Variants in PCDH7 observed in about 807,000 individuals in gnomAD.
PCDH7 encodes the protein protocadherin-7.
In PCDH7, 17 loss-of-function variants were observed where a neutral mutation model predicts 58.9. That is an observed-to-expected ratio of 0.29 (90% confidence interval 0.20 to 0.43). PCDH7 has a LOEUF of 0.43. PCDH7 is among the 20% of genes least tolerant of loss of function. The pLI is 1.00. For synonymous variants in PCDH7, 664 were observed against 616.4 expected, an observed-to-expected ratio of 1.08 and a Z score of -1.14; for missense variants, 1,274 against 1,441.0, an observed-to-expected ratio of 0.88 and a Z score of 1.88.
chr4:31,137,245 A>G (rs746147736), intron 3 of PCDH7, among the ~76,000 whole-genome samples: 8 of 152,204 alleles, frequency 5.3e-5, no homozygotes, highest in Non-Finnish European at 7.3e-5. Flanking sequence ...AAGTTCCTGC[A>G]TGTGGTTTTG....
chr4:31,012,300 C>A (rs962712226), intron 3 of PCDH7, among the ~76,000 whole-genome samples: 10 of 152,088 alleles, frequency 6.6e-5, no homozygotes, highest in African/African-American at 2.4e-4. Context: ...AAATAATATT[C>A]GTTTTATTTT....
At chr4:30,794,640 T>C (rs1318568877) in intron 1 of PCDH7, among the ~76,000 whole-genome samples, 3 of 151,992 alleles carry the variant, frequency 2.0e-5, no homozygotes, top group Non-Finnish European at 4.4e-5. Context: ...CTTGTCTCTT[T>C]TCTTTGTTGA....
At chr4:30,993,010 G>T (rs1046533732) in intron 3 of PCDH7, among the ~76,000 whole-genome samples, 2 of 152,012 alleles carry the variant, frequency 1.3e-5, no homozygotes, top group Non-Finnish European at 2.9e-5. Flanking sequence ...GGTTGGCCAG[G>T]CTGGTCTCGA....
intron 1 of PCDH7, among the ~76,000 whole-genome samples, chr4:30,799,614 T>A (rs1464494640): frequency 6.6e-6 from 1 of 152,168 alleles, no homozygotes; most frequent in Admixed American, 6.5e-5. Flanking sequence ...TTTGTTAGTT[T>A]TCATAAGTTT....
chr4:31,021,719 T>C (rs1341815626), intron 3 of PCDH7, among the ~76,000 whole-genome samples: 1 of 151,778 alleles, frequency 6.6e-6, no homozygotes, highest in Non-Finnish European at 1.5e-5. Flanking sequence ...GTCTTGGGAG[T>C]GGCACACTTC....
At chr4:30,914,209 T>G (rs1422945728) in intron 1 of PCDH7, among the ~76,000 whole-genome samples, 1 of 152,138 alleles carries the variant, frequency 6.6e-6, no homozygotes, top group East Asian at 1.9e-4. Flanking sequence ...TTTAAAAAAG[T>G]GTCAGCTCTA....
chr4:31,136,084 G>A (rs935300214), intron 3 of PCDH7, among the ~76,000 whole-genome samples: 3 of 152,198 alleles, frequency 2.0e-5, no homozygotes, highest in African/African-American at 7.2e-5. Context: ...GCTGTGAAGT[G>A]ACAAAGTTAG....
At chr4:30,811,907 T>C (rs987461507) in intron 1 of PCDH7, among the ~76,000 whole-genome samples, 12 of 151,280 alleles carry the variant, frequency 7.9e-5, no homozygotes, top group African/African-American at 2.9e-4. Flanking sequence ...AATAGGAGGG[T>C]TTTTTAGCCA....
At chr4:30,960,142 G>GAAGA (rs1560535243) in intron 3 of PCDH7, among the ~76,000 whole-genome samples, 5 of 108,444 alleles carry the variant, frequency 4.6e-5, no homozygotes, top group African/African-American at 1.9e-4. Flanking sequence ...AGGAAGGAAG[G>GAAGA]AAGGAAGGAA....
intron 1 of PCDH7, among the ~76,000 whole-genome samples, chr4:30,761,510 G>GATA (rs1184952251): frequency 8.6e-5 from 13 of 151,918 alleles, no homozygotes; most frequent in African/African-American, 3.1e-4. Context: ...AATTATTAAT[G>GATA]AGATATTTTA....
intron 3 of PCDH7, among the ~76,000 whole-genome samples, chr4:31,105,053 C>G (rs1715376584): frequency 6.6e-6 from 1 of 152,060 alleles, no homozygotes; most frequent in Non-Finnish European, 1.5e-5. Context: ...CATTTTGACC[C>G]AAAGGATGGC....
intron 3 of PCDH7, among the ~76,000 whole-genome samples, chr4:31,041,300 G>T (rs1406757855): frequency 6.6e-6 from 1 of 152,098 alleles, no homozygotes; most frequent in African/African-American, 2.4e-5. Context: ...TTATTCCGGG[G>T]ATATTTTTTG....
At chr4:30,981,467 G>GA (rs1750561525) in intron 3 of PCDH7, among the ~76,000 whole-genome samples, 1 of 152,116 alleles carries the variant, frequency 6.6e-6, no homozygotes, top group South Asian at 2.1e-4. Context: ...TGAGCTGCAT[G>GA]AAAAAATATC....
intron 3 of PCDH7, among the ~76,000 whole-genome samples, chr4:30,970,461 A>AT (rs1331203592): frequency 8.3e-6 from 1 of 120,096 alleles, no homozygotes; most frequent in Admixed American, 8.2e-5. Context: ...CGCCTGGCTA[A>AT]TTTTTTGTAT....
rs567462238 is a variant in PCDH7, at chr4:30,813,829, A to G, written c.70+89233A>G. 3.5e-3 allele frequency among the ~76,000 whole-genome samples: 531 copies of G among 152,114 alleles called. 5 individuals carry two copies. Among genetic ancestry groups the G allele is most frequent in the African/African-American group, 0.012 (494 of 41,486 alleles). On this transcript the variant is annotated intron_variant, in intron 1 of 3. Coordinates refer to the PCDH7 transcript ENST00000509759. Reference sequence around the variant, plus strand: ...GCAAATTTTTGCATTTTTAGTAGAGATGCGGTTTGACCATGTTGGCCAGGC... The same window carrying G: ...GCAAATTTTTGCATTTTTAGTAGAGGTGCGGTTTGACCATGTTGGCCAGGC...
At chr4:31,055,445 G>A (rs545211168) in intron 3 of PCDH7, among the ~76,000 whole-genome samples, 1 of 152,152 alleles carries the variant, frequency 6.6e-6, no homozygotes, top group South Asian at 2.1e-4. Flanking sequence ...AAAAAATCTA[G>A]TTGTGTACCA....
chr4:31,123,566 G>A lies in PCDH7; in HGVS notation c.*8-18907G>A, dbSNP rs570239351. Among the ~76,000 whole-genome samples the A allele has an allele frequency of 1.3e-4, 20 of 152,292 alleles. No individual in the cohort carries two copies. The South Asian group carries it at 4.1e-3, about 32-fold the overall frequency. ...TGGCCCATGGCAGCATCTAAAGGTT[G>A]CCCATGACCTCTGGAGCCCCAGAGG... On this transcript the variant is annotated intron_variant, in intron 3 of 3. Coordinates refer to the PCDH7 transcript ENST00000509759.
intron 1 of PCDH7, among the ~76,000 whole-genome samples, chr4:30,834,266 G>T (rs1301336069): frequency 6.6e-6 from 1 of 152,130 alleles, no homozygotes; most frequent in Non-Finnish European, 1.5e-5. Context: ...TTACCATCTT[G>T]AAATTCTTAA....
chr4:30,837,349 C>T (rs1730613223), intron 1 of PCDH7, among the ~76,000 whole-genome samples: 1 of 151,850 alleles, frequency 6.6e-6, no homozygotes, highest in Non-Finnish European at 1.5e-5. Flanking sequence ...GACAAGCATG[C>T]AGAGAGAGAA....
Sources: gnomAD v4.1 joint callset for allele counts (sites outside exome capture counted in the v4.1 genomes callset) on GRCh38, gnomAD v4.1.1 for gene constraint, MANE v1.5 for transcripts, NCBI Gene and HGNC (gene_info 2026-07-23, HGNC 2026-07-21) for gene names.